The following SCD5 variants were observed in gnomAD, a reference collection of about 807,000 sequenced individuals.
SCD5 encodes acyl-CoA-desaturase 4.
SCD5 carries 20 observed loss-of-function variants against 30.4 expected under a neutral mutation model. The observed-to-expected ratio is 0.66, with a 90% CI of 0.46 to 0.96. SCD5 has a LOEUF of 0.96. SCD5 is among the 40% of genes least tolerant of loss of function. The pLI is 0.00. For missense variants in SCD5, 381 were observed against 443.3 expected (o/e 0.86, Z 1.26); for synonymous variants, 173 against 176.4 (o/e 0.98, Z 0.16).
intron 1 of SCD5, among the ~76,000 whole-genome samples, chr4:82,728,076 G>A (rs76391286): frequency 0.1 from 15,477 of 152,138 alleles, 945 homozygotes; most frequent in African/African-American, 0.16. Flanking sequence ...CCTGTCTTAA[G>A]TTAGTCTATA....
At chr4:82,710,800 G>A (rs1720065446) in intron 1 of SCD5, among the ~76,000 whole-genome samples, 1 of 147,798 alleles carries the variant, frequency 6.8e-6, no homozygotes, top group Non-Finnish European at 1.5e-5. Context: ...CATTGTTGGA[G>A]AGGGAGAGAG....
chr4:82,797,617 A>C (rs1308469159), intron 1 of SCD5, among the ~76,000 whole-genome samples: 1 of 151,886 alleles, frequency 6.6e-6, no homozygotes, highest in Non-Finnish European at 1.5e-5. Flanking sequence ...CCACAGTCGG[A>C]GCTTCGTGCT....
intron 1 of SCD5, among the ~76,000 whole-genome samples, chr4:82,730,532 A>T (rs1050996196): frequency 6.8e-6 from 1 of 148,100 alleles, no homozygotes; most frequent in African/African-American, 2.5e-5. Context: ...TCCTGACATC[A>T]TGATCCGCCC....
At chr4:82,672,716 T>A (rs972297320) in intron 3 of SCD5, among the ~76,000 whole-genome samples, 3 of 152,100 alleles carry the variant, frequency 2.0e-5, no homozygotes, top group Admixed American at 2.0e-4. Context: ...GGTATCACCA[T>A]AATACTCAAA....
intron 1 of SCD5, among the ~76,000 whole-genome samples, chr4:82,706,067 C>G (rs933290940): frequency 8.5e-5 from 13 of 152,212 alleles, no homozygotes; most frequent in African/African-American, 3.1e-4. Context: ...AATCTGCCCA[C>G]AAATCACAGA....
chr4:82,726,643 A>T (rs1720478092), intron 1 of SCD5, among the ~76,000 whole-genome samples: 2 of 152,002 alleles, frequency 1.3e-5, no homozygotes, highest in Non-Finnish European at 2.9e-5. Context: ...ACTGATATAC[A>T]ATTTTCATAA....
At chr4:82,665,406 C>T (rs534228821) in intron 3 of SCD5, among the ~76,000 whole-genome samples, 10 of 151,436 alleles carry the variant, frequency 6.6e-5, no homozygotes, top group African/African-American at 2.4e-4. Context: ...AGATACATCA[C>T]AATCAAACTG....
chr4:82,713,870 C>G (rs556918704), intron 1 of SCD5, among the ~76,000 whole-genome samples: 2 of 152,322 alleles, frequency 1.3e-5, no homozygotes, highest in East Asian at 3.9e-4. Context: ...CCTCCCTGCC[C>G]TACTCACCTG....
At chr4:82,670,400 A>G (rs1728285208) in intron 3 of SCD5, among the ~76,000 whole-genome samples, 1 of 152,158 alleles carries the variant, frequency 6.6e-6, no homozygotes, top group South Asian at 2.1e-4. Flanking sequence ...TTATAAGTAG[A>G]CTGGACATGG....
At chr4:82,787,281 G>T (rs1722007542) in intron 1 of SCD5, among the ~76,000 whole-genome samples, 1 of 151,488 alleles carries the variant, frequency 6.6e-6, no homozygotes, top group Admixed American at 6.6e-5. Flanking sequence ...TCTTGGTAAA[G>T]AACACATTCT....
chr4:82,797,407 G>A (rs138751302), intron 1 of SCD5, among the ~76,000 whole-genome samples: 154 of 152,300 alleles, frequency 1.0e-3, no homozygotes, highest in African/African-American at 3.5e-3. Flanking sequence ...GGGCGGCTGC[G>A]AAGTGGTTCA....
intron 3 of SCD5, among the ~76,000 whole-genome samples, chr4:82,655,130 T>A (rs1727842904): frequency 6.6e-6 from 1 of 152,180 alleles, no homozygotes; most frequent in Admixed American, 6.5e-5. Flanking sequence ...ACAGTGTCAC[T>A]TTCGTATACA....
intron 1 of SCD5, among the ~76,000 whole-genome samples, chr4:82,760,814 GCAC>G (rs1721348204): frequency 1.3e-5 from 2 of 152,154 alleles, no homozygotes; most frequent in East Asian, 3.8e-4. Context: ...CATTCTTGCC[GCAC>G]CACAATTCAT....
chr4:82,752,142 T>TTAA (rs941286593), intron 1 of SCD5, among the ~76,000 whole-genome samples: 1 of 152,136 alleles, frequency 6.6e-6, no homozygotes, highest in African/African-American at 2.4e-5. Context: ...AGTATTTAAC[T>TTAA]TTAGTTAAAT....
chr4:82,683,386 C>A (rs182976638), intron 2 of SCD5, among the ~76,000 whole-genome samples: 1 of 152,120 alleles, frequency 6.6e-6, no homozygotes, highest in East Asian at 1.9e-4. Flanking sequence ...CATGTGAACA[C>A]GACATAGAAA....
intron 2 of SCD5, among the ~76,000 whole-genome samples, chr4:82,683,353 T>A (rs536470506): frequency 1.3e-5 from 2 of 152,304 alleles, no homozygotes; most frequent in East Asian, 3.9e-4. Flanking sequence ...TTTGCATTAG[T>A]TTATTGCTTT....
chr4:82,767,254 G>A (rs1414870720), intron 1 of SCD5, among the ~76,000 whole-genome samples: 1 of 150,166 alleles, frequency 6.7e-6, no homozygotes, highest in Non-Finnish European at 1.5e-5. Flanking sequence ...CTCTCTCTCT[G>A]TCTCTTCTTG....
chr4:82,646,854 G>A (rs1009637582), intron 3 of SCD5, among the ~76,000 whole-genome samples: 4 of 152,254 alleles, frequency 2.6e-5, no homozygotes, highest in East Asian at 3.9e-4. Context: ...ACGGAGTCTC[G>A]CTCTGTCACC....
At chr4:82,784,501 T>G (rs1433756804) in intron 1 of SCD5, among the ~76,000 whole-genome samples, 2 of 152,208 alleles carry the variant, frequency 1.3e-5, no homozygotes, top group African/African-American at 2.4e-5. Flanking sequence ...CAATTCTTTT[T>G]GGGGGGAGGA....
Sources: gnomAD v4.1 joint callset for allele counts (sites outside exome capture counted in the v4.1 genomes callset) on GRCh38, gnomAD v4.1.1 for gene constraint, MANE v1.5 for transcripts, NCBI Gene and HGNC (gene_info 2026-07-23, HGNC 2026-07-21) for gene names.